The following SRPK2 variants were observed in gnomAD, a reference collection of about 807,000 sequenced individuals.
SRPK2 encodes SRSF protein kinase 2.
SRPK2 carries 21 observed loss-of-function variants against 90.8 expected under a neutral mutation model. The ratio of observed to expected loss-of-function variants is 0.23; its 90% CI spans 0.16 to 0.33. The LOEUF is 0.33. SRPK2 is among the 10% of genes least tolerant of loss of function. The pLI is 1.00. For synonymous variants in SRPK2, 288 were observed against 311.1 expected (o/e 0.93, Z 0.78); for missense variants, 620 against 869.0 (o/e 0.71, Z 3.60).
chr7:105,125,333 T>A (rs1303304491), intron 15 of SRPK2, among the ~76,000 whole-genome samples: 1 of 152,090 alleles, frequency 6.6e-6, no homozygotes, highest in African/African-American at 2.4e-5. Context: ...GGATGTCATT[T>A]TTAAGAATGT....
intron 2 of SRPK2, among the ~76,000 whole-genome samples, chr7:105,384,248 A>AT (rs1337580079): frequency 6.6e-6 from 1 of 152,246 alleles, no homozygotes; most frequent in Non-Finnish European, 1.5e-5. Flanking sequence ...ATTTGTGACT[A>AT]AACAGCACTA....
intron 2 of SRPK2, among the ~76,000 whole-genome samples, chr7:105,220,109 G>GT (rs1797917947): frequency 6.6e-6 from 1 of 152,324 alleles, no homozygotes; most frequent in Admixed American, 6.5e-5. Flanking sequence ...AGTGATTAAT[G>GT]TTTTTAAAAT....
chr7:105,263,787 TAA>T (rs1804662416), intron 2 of SRPK2, among the ~76,000 whole-genome samples: 2 of 152,064 alleles, frequency 1.3e-5, no homozygotes, highest in Non-Finnish European at 2.9e-5. Flanking sequence ...AAAATTTCAA[TAA>T]ACTGTATTTC....
intron 2 of SRPK2, among the ~76,000 whole-genome samples, chr7:105,318,216 T>G (rs966857774): frequency 1.3e-5 from 2 of 152,180 alleles, no homozygotes; most frequent in African/African-American, 4.8e-5. Context: ...TACCTCAGTC[T>G]CCAAAGTAGC....
At chr7:105,260,105 C>T (rs1314990492) in intron 2 of SRPK2, among the ~76,000 whole-genome samples, 1 of 152,302 alleles carries the variant, frequency 6.6e-6, no homozygotes, top group East Asian at 1.9e-4. Flanking sequence ...AGGCAACCTA[C>T]AGAATGGGAG....
chr7:105,174,841 T>C (rs1585053531), intron 3 of SRPK2, among the ~76,000 whole-genome samples: 1 of 152,004 alleles, frequency 6.6e-6, no homozygotes, highest in South Asian at 2.1e-4. Flanking sequence ...AAAACAAGTC[T>C]CAATAGAAAT....
At chr7:105,199,922 T>C (rs1585148486) in intron 3 of SRPK2, among the ~76,000 whole-genome samples, 1 of 148,102 alleles carries the variant, frequency 6.8e-6, no homozygotes, top group Non-Finnish European at 1.5e-5. Context: ...AAAAGCAGGA[T>C]TCTCTGTGAA....
chr7:105,222,382 A>T (rs1585231962), intron 2 of SRPK2, among the ~76,000 whole-genome samples: 1 of 152,270 alleles, frequency 6.6e-6, no homozygotes, highest in Non-Finnish European at 1.5e-5. Context: ...AATATTAACA[A>T]GTAACATTCC....
chr7:105,236,422 T>C (rs537800404), intron 2 of SRPK2, among the ~76,000 whole-genome samples: 1 of 152,292 alleles, frequency 6.6e-6, no homozygotes, highest in Non-Finnish European at 1.5e-5. Context: ...TGATTTTTCT[T>C]TCTTGGTGGT....
chr7:105,248,768 C>A (rs1455751222), intron 2 of SRPK2, among the ~76,000 whole-genome samples: 1 of 151,768 alleles, frequency 6.6e-6, no homozygotes, highest in Non-Finnish European at 1.5e-5. Flanking sequence ...GGTGAAACCC[C>A]GTCTCTACTA....
chr7:105,347,147 C>T (rs1465317432), intron 2 of SRPK2, among the ~76,000 whole-genome samples: 1 of 151,740 alleles, frequency 6.6e-6, no homozygotes, highest in East Asian at 1.9e-4. Context: ...GAAACCTCCA[C>T]CTCTGGGCTC....
intron 2 of SRPK2, among the ~76,000 whole-genome samples, chr7:105,245,225 G>A (rs1801479302): frequency 4.6e-5 from 7 of 152,318 alleles, no homozygotes; most frequent in Admixed American, 3.3e-4. Flanking sequence ...CTAGTGGAGT[G>A]AGAAGCACTG....
At chr7:105,165,697 G>A (rs1257434677) in intron 6 of SRPK2, among the ~76,000 whole-genome samples, 5 of 152,146 alleles carry the variant, frequency 3.3e-5, no homozygotes, top group Admixed American at 2.0e-4. Context: ...TGGACCAATC[G>A]GCAGGTCCAT....
At chr7:105,390,609 T>TTTTG (rs1246104118), upstream of SRPK2, among the ~76,000 whole-genome samples, 24 of 125,628 alleles carry the variant, frequency 1.9e-4, no homozygotes, top group African/African-American at 7.1e-4. Flanking sequence ...TTGTTTTTGT[T>TTTTG]TTTTTTTTTT....
chr7:105,210,567 T>C (rs530367627), intron 2 of SRPK2, among the ~76,000 whole-genome samples: 1 of 152,312 alleles, frequency 6.6e-6, no homozygotes, highest in South Asian at 2.1e-4. Context: ...TTCAAAAACT[T>C]TGTGTAAATC....
At chr7:105,381,382 C>G (rs10227302) in intron 2 of SRPK2, among the ~76,000 whole-genome samples, 41,835 of 152,112 alleles carry the variant, frequency 0.28, 6,253 homozygotes, top group Middle Eastern at 0.34. Flanking sequence ...TGAGACCAGC[C>G]TGGCCAATAT....
At chr7:105,257,901 G>C (rs934133573) in intron 2 of SRPK2, among the ~76,000 whole-genome samples, 4 of 150,928 alleles carry the variant, frequency 2.7e-5, no homozygotes, top group Non-Finnish European at 5.9e-5. Flanking sequence ...CAAGAGGTCA[G>C]GAGACTGAGA....
intron 2 of SRPK2, among the ~76,000 whole-genome samples, chr7:105,255,671 C>T (rs1803169886): frequency 6.6e-6 from 1 of 152,318 alleles, no homozygotes; most frequent in Middle Eastern, 3.4e-3. Flanking sequence ...GTGACTCTTG[C>T]CTGTAATCCC....
intron 2 of SRPK2, among the ~76,000 whole-genome samples, chr7:105,314,606 A>G (rs1368355147): frequency 2.0e-5 from 3 of 151,914 alleles, no homozygotes; most frequent in Non-Finnish European, 4.4e-5. Context: ...CTGGTCTCAA[A>G]CTCCTGACCT....
Sources: gnomAD v4.1 joint callset for allele counts (sites outside exome capture counted in the v4.1 genomes callset) on GRCh38, gnomAD v4.1.1 for gene constraint, MANE v1.5 for transcripts, NCBI Gene and HGNC (gene_info 2026-07-23, HGNC 2026-07-21) for gene names.